Variants in TRIO observed in about 807,000 individuals in gnomAD.
The protein encoded by TRIO is triple functional domain protein.
A neutral mutation model predicts 351.9 loss-of-function variants in TRIO; 58 were observed. That is an observed-to-expected ratio of 0.16 (90% CI 0.13 to 0.21). The LOEUF is 0.21. Ranked by LOEUF, TRIO falls within the 10% of genes least tolerant of loss-of-function variation. The pLI, the probability that TRIO is intolerant of heterozygous loss-of-function variation, is 1.00. For synonymous variants in TRIO, 1,758 were observed against 1,595.7 expected (o/e 1.10, Z -2.42); for missense variants, 3,201 against 4,027.8 (o/e 0.79, Z 5.56).
intron 9 of TRIO, among the ~76,000 whole-genome samples, chr5:14,328,532 G>T (rs30622): frequency 6.6e-6 from 1 of 152,076 alleles, no homozygotes; most frequent in South Asian, 2.1e-4. Context: ...TAAAACAATG[G>T]ACTCAATACT....
At chr5:14,480,155 A>G (rs1755406291) in intron 43 of TRIO, 144 bp downstream of exon 43, 1 of 726,860 alleles carries the variant, frequency 1.4e-6, no homozygotes, top group African/African-American at 1.8e-5. Context: ...AACCTTAAAA[A>G]TTTAAATCAG....
intron 9 of TRIO, among the ~76,000 whole-genome samples, chr5:14,318,849 G>A (rs1240952707): frequency 1.3e-5 from 2 of 152,124 alleles, no homozygotes; most frequent in Non-Finnish European, 2.9e-5. Context: ...TTCCACATCC[G>A]TGGACTGATG....
intron 28 of TRIO, 111 bp from the exon 29 acceptor site, chr5:14,396,932 C>A: frequency 2.4e-6 from 2 of 829,946 alleles, no homozygotes; most frequent in Non-Finnish European, 3.8e-6. Flanking sequence ...CAGTTGACCA[C>A]ATTCTGTTTT....
intron 41 of TRIO, 104 bp from the exon 42 acceptor site, chr5:14,479,157 T>C: frequency 1.0e-6 from 1 of 955,482 alleles, no homozygotes; most frequent in Non-Finnish European, 1.7e-6. Flanking sequence ...AGCTTGGTTT[T>C]AAGATGAGTG....
chr5:14,487,748 C>A lies in TRIO; in HGVS notation c.7120C>A (p.Pro2374Thr). 1 of 1,401,918 alleles carries A rather than the reference C, an allele frequency of 7.1e-7. No homozygotes were observed. Among genetic ancestry groups the A allele is most frequent in the East Asian group, 3.2e-5 (1 of 31,410 alleles). 86.8% of individuals were successfully genotyped at this position (1,401,918 alleles called of 1,614,324 possible). A position where few individuals can be genotyped will look rare whatever the true frequency, so the allele number is the denominator to read the frequency against. The change falls in exon 48 of 57, where the codon CCC (proline) becomes ACC (threonine). Residue 2374 changes from proline to threonine, a missense_variant. By Grantham distance (38) the Pro-to-Thr change is conservative. Around this residue, in one of 19 missense-constraint regions of TRIO, gnomAD observed 1,089 missense variants for 954.9 expected, o/e 1.14. Transcript: ENST00000344204. ...GATGTCAGGTACGTCCACCCCCGGG[C>A]CCTCCCTGCCTCCCCCTGGCGCGGC... ...DKMSGTSTPG[P>T]SLPPPGAAPE...
intron 21 of TRIO, among the ~76,000 whole-genome samples, chr5:14,381,940 C>CTT (rs1176371871): frequency 6.6e-6 from 1 of 152,180 alleles, no homozygotes; most frequent in Non-Finnish European, 1.5e-5. Flanking sequence ...CCAATTAAGG[C>CTT]TTATACCTGC....
intron 1 of TRIO, among the ~76,000 whole-genome samples, chr5:14,199,740 C>T (rs956074534): frequency 7.2e-5 from 11 of 152,138 alleles, no homozygotes; most frequent in African/African-American, 2.7e-4. Flanking sequence ...ACTACCAAAG[C>T]TTTGCTGGCC....
intron 1 of TRIO, among the ~76,000 whole-genome samples, chr5:14,216,335 G>C (rs1433671078): frequency 6.6e-6 from 1 of 152,216 alleles, no homozygotes; most frequent in African/African-American, 2.4e-5. Flanking sequence ...GCCAGCCATA[G>C]AATTCACACT....
Position 14,508,617 on chromosome 5 carries a change from T to TA in TRIO, c.*196dup, listed in dbSNP as rs1310033322. 2 of 639,362 alleles carry TA rather than the reference T, an allele frequency of 3.1e-6. No homozygotes were observed. The highest frequency in any genetic ancestry group is 5.2e-6 in the Non-Finnish European group (2 of 381,394). The allele number at this position is 639,362 out of a possible 1,614,324, so 39.6% of individuals were successfully genotyped here. ...TGCGCTGGGGTGGAGGACCGTCACT[T>TA]ACACTCTGCCCAAGGCAGAGGTCGC... On this transcript the variant is annotated 3_prime_UTR_variant, in exon 57 of 57. Transcript: ENST00000344204.
intron 1 of TRIO, among the ~76,000 whole-genome samples, chr5:14,268,479 G>C (rs1008900697): frequency 2.0e-5 from 3 of 152,244 alleles, no homozygotes; most frequent in Admixed American, 2.0e-4. Context: ...TGTCTCTCTA[G>C]TGTCGGAGCC....
Position 14,298,225 on chromosome 5 carries a change from A to G in TRIO, c.1368+962A>G, listed in dbSNP as rs6898361. ...GAAGTAATGGGTAATATATGCCCCCAACACTCCCCATACCTCCATTTAAGC... is the reference window on the plus strand; with the variant it reads ...GAAGTAATGGGTAATATATGCCCCCGACACTCCCCATACCTCCATTTAAGC... On this transcript the variant is annotated intron_variant, in intron 7 of 56. Transcript: ENST00000344204. 7.1e-3 allele frequency among the ~76,000 whole-genome samples: 1,079 copies of G among 152,324 alleles called. 17 individuals are homozygous for G. Among genetic ancestry groups the G allele is most frequent in the African/African-American group, 0.025 (1,039 of 41,582 alleles).
At chr5:14,433,492 G>T (rs954156130) in intron 34 of TRIO, among the ~76,000 whole-genome samples, 3 of 152,216 alleles carry the variant, frequency 2.0e-5, no homozygotes, top group Non-Finnish European at 2.9e-5. Flanking sequence ...CTTGAAGCCA[G>T]CACTGTGGAC....
At chr5:14,179,255 C>A (rs1054683170) in intron 1 of TRIO, among the ~76,000 whole-genome samples, 1 of 152,118 alleles carries the variant, frequency 6.6e-6, no homozygotes, top group East Asian at 1.9e-4. Flanking sequence ...CAGTTAGGTA[C>A]CCTGTGACTT....
At chr5:14,281,453 AC>A (rs1736001465) in intron 3 of TRIO, among the ~76,000 whole-genome samples, 1 of 79,532 alleles carries the variant, frequency 1.3e-5, no homozygotes, top group Admixed American at 1.7e-4. Context: ...TGATCCAATT[AC>A]CACCCACCAG....
At chr5:14,212,009 T>A (rs527847864) in intron 1 of TRIO, among the ~76,000 whole-genome samples, 1 of 151,448 alleles carries the variant, frequency 6.6e-6, no homozygotes, top group South Asian at 2.1e-4. Flanking sequence ...CATGGTGGCA[T>A]GCACCTGTGG....
At chr5:14,349,084 C>A (rs530615764) in intron 11 of TRIO, among the ~76,000 whole-genome samples, 1 of 145,278 alleles carries the variant, frequency 6.9e-6, no homozygotes. Context: ...TGCACATGAG[C>A]ATGTGTGTTT....
chr5:14,263,696 C>G (rs1053674703), intron 1 of TRIO, among the ~76,000 whole-genome samples: 2 of 152,206 alleles, frequency 1.3e-5, no homozygotes, highest in African/African-American at 4.8e-5. Context: ...TCCGGTAAAG[C>G]AAGTCTTTGG....
In TRIO at chr5:14,286,090, C is replaced by CTT. The variant is rs576864861; in HGVS notation, c.348-771_348-770dup. Among the ~76,000 whole-genome samples the CTT allele has an allele frequency of 1.4e-5, 2 of 147,100 alleles. No individual in the cohort carries two copies. The highest frequency in any genetic ancestry group is 4.3e-4 in the South Asian group (2 of 4,660). On this transcript the variant is annotated intron_variant, in intron 3 of 56. Transcript: ENST00000344204. The surrounding 1 kb of genome is among the most constrained non-coding windows in gnomAD (Gnocchi z 4.4). ...GATTTAATACAATTAGAAGCTGGCA[C>CTT]TTTTTTTTTTTAAGTGCAATAATGT...
intron 55 of TRIO, 182 bp downstream of exon 55, chr5:14,504,775 G>A: frequency 1.3e-6 from 1 of 746,260 alleles, no homozygotes; most frequent in African/African-American, 1.8e-5. Flanking sequence ...AGAAAGCAGT[G>A]TGGTCTTCCA....
Sources: gnomAD v4.1 joint callset for allele counts (sites outside exome capture counted in the v4.1 genomes callset) on GRCh38, gnomAD v4.1.1 for gene constraint, gnomAD v4.1.1 regional missense constraint, Gnocchi (gnomAD v3.1) non-coding constraint, MANE v1.5 for transcripts, NCBI Gene and HGNC (gene_info 2026-07-23, HGNC 2026-07-21) for gene names.